The following SCN9A variants were observed in gnomAD, a reference collection of about 807,000 sequenced individuals.
SCN9A encodes sodium channel protein type 9 subunit alpha.
A neutral mutation model predicts 187.0 loss-of-function variants in SCN9A; 131 were observed. The ratio of observed to expected loss-of-function variants is 0.70; its 90% CI spans 0.61 to 0.81. SCN9A has a LOEUF of 0.81. Among genes scored for constraint, SCN9A ranks in the 30% least tolerant of loss-of-function variants. The pLI, the probability that SCN9A is intolerant of heterozygous loss-of-function variation, is 0.00. For missense variants in SCN9A, 2,252 were observed against 2,396.6 expected (o/e 0.94, Z 1.26); for synonymous variants, 809 against 808.6 (o/e 1.00, Z -0.01).
chr2:166,366,206 A>C (rs959086464), intron 1 of SCN9A, among the ~76,000 whole-genome samples: 6 of 152,170 alleles, frequency 3.9e-5, no homozygotes, highest in African/African-American at 1.4e-4. Context: ...ATCAGTTGGA[A>C]ATTTCAGCTT....
At chr2:166,205,348 A>C (rs567394505) in intron 24 of SCN9A, 13 of 152,316 alleles carry the variant, frequency 8.5e-5, no homozygotes, top group African/African-American at 3.1e-4. Flanking sequence ...AGGCCTCAGA[A>C]ATAACACTAC....
At chr2:166,303,037 G>A (rs953939174) in intron 7 of SCN9A, 53 bp downstream of exon 7, 283 of 1,242,528 alleles carry the variant, frequency 2.3e-4, no homozygotes, top group Non-Finnish European at 7.5e-5. Context: ...TTAAAAGAGA[G>A]CAATGTTTTT....
intron 17 of SCN9A, among the ~76,000 whole-genome samples, chr2:166,271,913 A>G (rs1024704073): frequency 1.3e-5 from 2 of 152,102 alleles, no homozygotes; most frequent in Non-Finnish European, 2.9e-5. Context: ...CGGATCATGG[A>G]TACATCATGA....
At chr2:166,317,888 T>C (rs1037904904) in intron 1 of SCN9A, among the ~76,000 whole-genome samples, 3 of 152,152 alleles carry the variant, frequency 2.0e-5, no homozygotes, top group Non-Finnish European at 4.4e-5. Context: ...ATCATAAGAT[T>C]ACCCTAGTGA....
intron 1 of SCN9A, among the ~76,000 whole-genome samples, chr2:166,364,030 T>C (rs1175562377): frequency 6.6e-6 from 1 of 151,918 alleles, no homozygotes; most frequent in Non-Finnish European, 1.5e-5. Context: ...GAACAAAGGA[T>C]TTGAAAAGAC....
chr2:166,246,499 T>C (rs1327171140), intron 18 of SCN9A, among the ~76,000 whole-genome samples: 1 of 151,716 alleles, frequency 6.6e-6, no homozygotes, highest in Non-Finnish European at 1.5e-5. Context: ...AGTAAAAGGG[T>C]AGGGTCAAAA....
chr2:166,270,835 G>A (rs918901117), intron 17 of SCN9A, among the ~76,000 whole-genome samples: 1 of 151,264 alleles, frequency 6.6e-6, no homozygotes, highest in African/African-American at 2.4e-5. Context: ...ATAAATTCAT[G>A]GAGGGTGGAG....
chr2:166,334,817 A>G (rs1574937497), intron 1 of SCN9A, among the ~76,000 whole-genome samples: 1 of 152,168 alleles, frequency 6.6e-6, no homozygotes, highest in East Asian at 1.9e-4. Context: ...AGCACAATTC[A>G]AATTAAGTCA....
At chr2:166,332,395 G>A (rs1190164110) in intron 1 of SCN9A, among the ~76,000 whole-genome samples, 1 of 152,138 alleles carries the variant, frequency 6.6e-6, no homozygotes, top group Non-Finnish European at 1.5e-5. Flanking sequence ...TCTCTTGCTT[G>A]TAATCAATAT....
chr2:166,304,160 C>G, intron 6 of SCN9A, 78 bp downstream of exon 6: 1 of 1,612,016 alleles, frequency 6.2e-7, no homozygotes, highest in South Asian at 1.1e-5. Context: ...TGACGACACA[C>G]ACACAAACGA....
intron 7 of SCN9A, among the ~76,000 whole-genome samples, chr2:166,299,572 C>A (rs907646170): frequency 1.3e-5 from 2 of 150,746 alleles, no homozygotes; most frequent in Non-Finnish European, 2.9e-5. Context: ...TCTGGGTCCT[C>A]TTTTCTACCT....
At position 166,303,113 on chromosome 2, in the gene SCN9A, A is replaced by G; in HGVS notation, c.878T>C (p.Leu293Pro). Residue 293 changes from leucine (L) to proline (P), a missense_variant, in exon 7 of 27, where the codon CTA becomes CCA. By Grantham distance (98) the Leu-to-Pro change is moderately conservative. Transcript: ENST00000642356. ...ACTTCTAAAGTCTTCTTCACTCTCTAGGGTATTCATTATGCTTTCTAATGT... is the reference window on the plus strand; with the variant it reads ...ACTTCTAAAGTCTTCTTCACTCTCTGGGGTATTCATTATGCTTTCTAATGT... ...NETLESIMNT[L>P]ESEEDFRKYF... 6.2e-7 allele frequency: 1 copy of G among 1,604,576 alleles called. No homozygotes were observed. Among genetic ancestry groups the G allele is most frequent in the Non-Finnish European group, 8.5e-7 (1 of 1,174,006 alleles).
intron 20 of SCN9A, among the ~76,000 whole-genome samples, chr2:166,236,097 A>T (rs1695307332): frequency 6.6e-6 from 1 of 152,086 alleles, no homozygotes; most frequent in Admixed American, 6.6e-5. Flanking sequence ...TTTACAGTTT[A>T]AGAGAAAAGA....
chr2:166,245,679 A>T (rs1553482505), intron 18 of SCN9A, among the ~76,000 whole-genome samples: 1 of 152,014 alleles, frequency 6.6e-6, no homozygotes, highest in South Asian at 2.1e-4. Flanking sequence ...CTCATTTTAG[A>T]TGAAGGCAGG....
intron 1 of SCN9A, among the ~76,000 whole-genome samples, chr2:166,319,066 C>T (rs1699176378): frequency 6.6e-6 from 1 of 151,836 alleles, no homozygotes; most frequent in Non-Finnish European, 1.5e-5. Context: ...AAGTTTAGAG[C>T]ATTAACAATA....
intron 1 of SCN9A, among the ~76,000 whole-genome samples, chr2:166,320,320 G>T (rs1213930101): frequency 6.6e-6 from 1 of 152,052 alleles, no homozygotes; most frequent in East Asian, 1.9e-4. Context: ...TTGAGCCAAA[G>T]AAACCAACAA....
At chr2:166,277,535 A>G (rs1697290603) in intron 15 of SCN9A, among the ~76,000 whole-genome samples, 196 bp from the exon 16 acceptor site, 1 of 152,164 alleles carries the variant, frequency 6.6e-6, no homozygotes, top group African/African-American at 2.4e-5. Context: ...GCCACAAAAA[A>G]TTACAACACA....
intron 1 of SCN9A, among the ~76,000 whole-genome samples, chr2:166,349,074 C>A (rs1250620074): frequency 6.6e-6 from 1 of 151,942 alleles, no homozygotes; most frequent in Non-Finnish European, 1.5e-5. Context: ...TTGCGGTGAG[C>A]CGAGATCACG....
At chr2:166,372,318 A>G (rs1228295504) in intron 1 of SCN9A, among the ~76,000 whole-genome samples, 1 of 152,194 alleles carries the variant, frequency 6.6e-6, no homozygotes, top group Non-Finnish European at 1.5e-5. Flanking sequence ...CCGTGTGGAA[A>G]CCTAACTTAT....
Sources: allele counts gnomAD v4.1 joint callset (sites outside exome capture counted in the v4.1 genomes callset), GRCh38; gene constraint gnomAD v4.1.1; transcripts MANE v1.5; gene names NCBI Gene and HGNC (gene_info 2026-07-23, HGNC 2026-07-21).